GPATCH2: variants seen among roughly 807,000 people sequenced by gnomAD.
The protein encoded by GPATCH2 is G-patch domain containing 2.
A neutral mutation model predicts 58.0 loss-of-function variants in GPATCH2; 51 were observed. That is an observed-to-expected ratio of 0.88 (90% CI 0.70 to 1.11). The LOEUF (loss-of-function observed/expected upper bound fraction) is 1.11, where lower values mean the gene tolerates loss of function less well. Ranked by LOEUF, GPATCH2 falls within the 50% of genes most tolerant of loss-of-function variation. The pLI, the probability that GPATCH2 is intolerant of heterozygous loss-of-function variation, is 0.00. For synonymous variants in GPATCH2, 222 were observed against 218.5 expected (o/e 1.02, Z -0.14); for missense variants, 625 against 652.2 (o/e 0.96, Z 0.45).
At chr1:217,452,018 C>T (rs1659690180) in intron 8 of GPATCH2, among the ~76,000 whole-genome samples, 1 of 152,156 alleles carries the variant, frequency 6.6e-6, no homozygotes, top group Non-Finnish European at 1.5e-5. Context: ...GACTGTATAA[C>T]ACGAATGGAA....
At chr1:217,453,431 G>A (rs999271800) in intron 8 of GPATCH2, among the ~76,000 whole-genome samples, 1 of 152,104 alleles carries the variant, frequency 6.6e-6, no homozygotes, top group Non-Finnish European at 1.5e-5. Flanking sequence ...TTTTTGTTAC[G>A]GGTCTGTCAC....
chr1:217,473,280 A>AGTGTGTGTGTGTGTGTGTGTGT (rs71166009), intron 8 of GPATCH2, among the ~76,000 whole-genome samples: 2 of 142,312 alleles, frequency 1.4e-5, no homozygotes, highest in South Asian at 4.7e-4. Context: ...GGTTTAGTTC[A>AGTGTGTGTGTGTGTGTGTGTGT]GTGTGTGTGT....
At chr1:217,519,278 T>C (rs574751422) in intron 5 of GPATCH2, among the ~76,000 whole-genome samples, 1 of 152,204 alleles carries the variant, frequency 6.6e-6, no homozygotes, top group Non-Finnish European at 1.5e-5. Context: ...TCTATTCTTA[T>C]AATATTACAG....
chr1:217,501,521 T>A (rs1229159047), intron 6 of GPATCH2, among the ~76,000 whole-genome samples: 1 of 152,118 alleles, frequency 6.6e-6, no homozygotes, highest in Non-Finnish European at 1.5e-5. Context: ...ACTGCCAACA[T>A]TTTCCAGAAT....
At chr1:217,611,166 C>A in intron 3 of GPATCH2, 95 bp from the exon 4 acceptor site, 1 of 1,115,760 alleles carries the variant, frequency 9.0e-7, no homozygotes, top group Non-Finnish European at 1.3e-6. Flanking sequence ...TACAAGATGG[C>A]AGTTAAATTT....
intron 5 of GPATCH2, among the ~76,000 whole-genome samples, chr1:217,567,644 A>T (rs1314935305): frequency 6.6e-6 from 1 of 152,262 alleles, no homozygotes; most frequent in African/African-American, 2.4e-5. Context: ...TGTAAGAGTT[A>T]TCTAGACACC....
At chr1:217,543,468 A>G (rs1664862303) in intron 5 of GPATCH2, among the ~76,000 whole-genome samples, 1 of 151,832 alleles carries the variant, frequency 6.6e-6, no homozygotes, top group Admixed American at 6.6e-5. Flanking sequence ...ACGGGGTTTC[A>G]ACGTGTTAGC....
chr1:217,608,918 T>A, intron 5 of GPATCH2: 33 of 983,576 alleles, frequency 3.4e-5, no homozygotes, highest in Non-Finnish European at 4.0e-5. Context: ...AAAGAAGATG[T>A]CACACATTCC....
At chr1:217,472,433 C>T (rs1431727038) in intron 8 of GPATCH2, among the ~76,000 whole-genome samples, 3 of 151,574 alleles carry the variant, frequency 2.0e-5, no homozygotes, top group African/African-American at 7.3e-5. Context: ...TCCCGAGTGG[C>T]TGGGACTACA....
At chr1:217,439,088 G>A (rs527501825) in intron 9 of GPATCH2, among the ~76,000 whole-genome samples, 9 of 152,122 alleles carry the variant, frequency 5.9e-5, no homozygotes, top group East Asian at 3.9e-4. Context: ...GCACCAAATC[G>A]CACTTATTCT....
chr1:217,507,999 C>A (rs537434243), intron 6 of GPATCH2, among the ~76,000 whole-genome samples: 3 of 152,034 alleles, frequency 2.0e-5, no homozygotes, highest in African/African-American at 4.8e-5. Context: ...AGTATGTCAT[C>A]ATTATCATCA....
rs567845877 is a variant in GPATCH2 at position 217,476,357 on chromosome 1, C to G, written c.1277+15323G>C. ...AATAGAAGACCACCAATTGCCACCC[C>G]CTCCAGGACACCAATGTAACAACTA... On this transcript the variant is annotated intron_variant, in intron 8 of 9. Coordinates refer to ENST00000366935, the MANE Select transcript of GPATCH2 (RefSeq NM_018040.5). Among the ~76,000 whole-genome samples the G allele has an allele frequency of 3.0e-3, 450 of 151,372 alleles. 7 individuals carry two copies. Among genetic ancestry groups the G allele is most frequent in the Non-Finnish European group, 1.6e-3 (111 of 67,824 alleles).
chr1:217,439,044 C>T (rs1271159303), intron 9 of GPATCH2, among the ~76,000 whole-genome samples: 1 of 152,174 alleles, frequency 6.6e-6, no homozygotes, highest in Admixed American at 6.5e-5. Context: ...ACAGAACTCT[C>T]CACTGCAAAT....
At chr1:217,628,876 G>A (rs1669590019) in intron 1 of GPATCH2, among the ~76,000 whole-genome samples, 1 of 151,980 alleles carries the variant, frequency 6.6e-6, no homozygotes, top group Admixed American at 6.6e-5. Flanking sequence ...TATTCCTTGA[G>A]ATATTATATC....
rs1558483056 is a variant in GPATCH2 at position 217,558,468 on chromosome 1, ATGTAGAC to A, written c.1099-43586_1099-43580del. 2.0e-5 allele frequency among the ~76,000 whole-genome samples: 3 copies of A among 152,354 alleles called. No homozygotes were observed. In the South Asian group the frequency reaches 6.2e-4, roughly 32 times the overall value. ...TAATAAAGTGTCTCACAAAGCCTTTATGTAGACTACATGCATCCAACTGATTACGAAA... is the reference window on the plus strand; with the variant it reads ...TAATAAAGTGTCTCACAAAGCCTTTATACATGCATCCAACTGATTACGAAA... On this transcript the variant is annotated intron_variant, in intron 5 of 9. Coordinates refer to ENST00000366935, the MANE Select transcript of GPATCH2 (RefSeq NM_018040.5).
At chr1:217,584,961 G>GA (rs1222643833) in intron 5 of GPATCH2, among the ~76,000 whole-genome samples, 1 of 151,698 alleles carries the variant, frequency 6.6e-6, no homozygotes, top group Non-Finnish European at 1.5e-5. Flanking sequence ...TAAAAGGGTG[G>GA]AAAAAATAAT....
At chr1:217,605,393 G>A (rs557050997) in intron 5 of GPATCH2, among the ~76,000 whole-genome samples, 2 of 152,228 alleles carry the variant, frequency 1.3e-5, no homozygotes, top group South Asian at 2.1e-4. Flanking sequence ...TGATAAACAT[G>A]TATAAATAGT....
chr1:217,560,198 T>C (rs1047314364), intron 5 of GPATCH2, among the ~76,000 whole-genome samples: 20 of 152,190 alleles, frequency 1.3e-4, no homozygotes, highest in African/African-American at 4.8e-4. Flanking sequence ...CGTGTTTGTT[T>C]TGCAAGGCTC....
chr1:217,484,654 C>CAT (rs1257438291), intron 8 of GPATCH2, among the ~76,000 whole-genome samples: 1 of 149,058 alleles, frequency 6.7e-6, no homozygotes, highest in African/African-American at 2.5e-5. Flanking sequence ...TATATACACA[C>CAT]ATATACTTAT....
Sources: gnomAD v4.1 joint callset for allele counts (sites outside exome capture counted in the v4.1 genomes callset) on GRCh38, gnomAD v4.1.1 for gene constraint, MANE v1.5 for transcripts, NCBI Gene and HGNC (gene_info 2026-07-23, HGNC 2026-07-21) for gene names.